SLC39A12: variants seen among roughly 807,000 people sequenced by gnomAD.
SLC39A12 encodes zinc transporter ZIP12.
In SLC39A12, 63 loss-of-function variants were observed where a neutral mutation model predicts 71.1. The ratio of observed to expected loss-of-function variants is 0.89; its 90% CI spans 0.72 to 1.09. The LOEUF is 1.09. SLC39A12 is among the 50% of genes least tolerant of loss of function. The pLI is 0.00. For missense variants in SLC39A12, 892 were observed against 812.6 expected (o/e 1.10, Z -1.19); for synonymous variants, 351 against 301.3 (o/e 1.16, Z -1.71).
At chr10:18,040,739 A>T (rs1589264126) in intron 12 of SLC39A12, among the ~76,000 whole-genome samples, 1 of 149,908 alleles carries the variant, frequency 6.7e-6, no homozygotes, top group East Asian at 2.0e-4. Context: ...ACTGTACTCC[A>T]GCCTAGGCGA....
intron 12 of SLC39A12, among the ~76,000 whole-genome samples, chr10:18,016,615 ACCAAACTGTCTT>A (rs1235367101): frequency 1.3e-5 from 2 of 152,240 alleles, no homozygotes; most frequent in African/African-American, 4.8e-5. Flanking sequence ...GTAAGAAGCT[ACCAAACTGTCTT>A]CCAAAGTGGC....
intron 12 of SLC39A12, among the ~76,000 whole-genome samples, chr10:18,036,784 A>ATTTTTTTTT (rs1277319900): frequency 1.3e-4 from 1 of 7,682 alleles, no homozygotes; most frequent in African/African-American, 5.3e-4. Context: ...ATATATATAT[A>ATTTTTTTTT]TATATATATA....
In SLC39A12 at chr10:17,987,532, G is replaced by C; in HGVS notation, c.1150G>C (p.Gly384Arg). ...CCTTCTCACACTGGGCTCCATGCTG[G>C]GGACAGCGCTGGTCCTTTTCCATAG... ...VTLLTLGSML[G>R]TALVLFHSCE... Residue 384 changes from glycine to arginine, a missense_variant, in exon 7 of 13, where the codon GGG (glycine) becomes CGG (arginine). Transcript: ENST00000377369. 1 of 1,613,884 alleles carries C rather than the reference G, an allele frequency of 6.2e-7. No individual in the cohort carries two copies. The highest frequency in any genetic ancestry group is 2.2e-5 in the East Asian group (1 of 44,856).
At position 17,965,552 on chromosome 10, in the gene SLC39A12, C is replaced by G. The variant is rs766898134; in HGVS notation, c.613C>G (p.Leu205Val). The G allele has an allele frequency of 1.2e-6, 2 of 1,614,188 alleles. No homozygotes were observed. Among genetic ancestry groups the G allele is most frequent in the Non-Finnish European group, 1.7e-6 (2 of 1,180,030 alleles). The change falls in exon 4 of 13, where the codon CTT becomes GTT. Residue 205 changes from leucine to valine, a missense_variant. Leu to Val is a conservative substitution (Grantham distance 32). Transcript: ENST00000377369. ...VSSEGANEST[L>V]PQLAAMIITL... ...CAGTGAAGGTGCTAATGAAAGTACGCTTCCTCAGTTGGCAGCCATGATCAT... is the reference window on the plus strand; with the variant it reads ...CAGTGAAGGTGCTAATGAAAGTACGGTTCCTCAGTTGGCAGCCATGATCAT...
Position 17,953,197 on chromosome 10 carries a change from C to A in SLC39A12, c.-80C>A. 1 of 1,507,276 alleles carries A rather than the reference C, an allele frequency of 6.6e-7. No individual in the cohort carries two copies. Among genetic ancestry groups the A allele is most frequent in the Non-Finnish European group, 8.9e-7 (1 of 1,120,886 alleles). 93.4% of individuals were successfully genotyped at this position (1,507,276 alleles called of 1,614,324 possible). A position where few individuals can be genotyped will look rare whatever the true frequency, so the allele number is the denominator to read the frequency against. On this transcript the variant is annotated 5_prime_UTR_variant, in exon 2 of 13. Coordinates refer to ENST00000377369, the MANE Select transcript of SLC39A12 (RefSeq NM_001145195.2). Reference sequence around the variant, plus strand: ...TTTTTCCCCTTTACCACAGAAATTCCTTTGGTTACAAGTTTACCCCATAAA... The same window carrying A: ...TTTTTCCCCTTTACCACAGAAATTCATTTGGTTACAAGTTTACCCCATAAA...
intron 12 of SLC39A12, among the ~76,000 whole-genome samples, chr10:18,034,921 G>C (rs1836956157): frequency 3.3e-5 from 5 of 151,788 alleles, no homozygotes; most frequent in African/African-American, 1.2e-4. Context: ...TAATTTGGCT[G>C]GATATGAAAT....
At chr10:18,000,302 C>G (rs1001914563) in intron 10 of SLC39A12, among the ~76,000 whole-genome samples, 4 of 152,164 alleles carry the variant, frequency 2.6e-5, no homozygotes, top group Admixed American at 6.5e-5. Context: ...TAGCAAGTTT[C>G]TTAAATTATT....
intron 5 of SLC39A12, among the ~76,000 whole-genome samples, chr10:17,979,485 T>G (rs1175567886): frequency 6.6e-6 from 1 of 152,248 alleles, no homozygotes; most frequent in African/African-American, 2.4e-5. Flanking sequence ...AGGAATTGTA[T>G]TATGAAACTA....
At chr10:17,959,602 C>T (rs1191571510) in intron 2 of SLC39A12, among the ~76,000 whole-genome samples, 2 of 152,100 alleles carry the variant, frequency 1.3e-5, no homozygotes, top group African/African-American at 4.8e-5. Flanking sequence ...TCACGACAGG[C>T]GTTTCTCAAT....
At chr10:18,025,796 T>A (rs1248633525) in intron 12 of SLC39A12, among the ~76,000 whole-genome samples, 3 of 152,222 alleles carry the variant, frequency 2.0e-5, no homozygotes, top group Non-Finnish European at 4.4e-5. Context: ...TCTAGCTCCC[T>A]GAGGAATCAC....
chr10:17,969,250 A>G (rs577343160), intron 4 of SLC39A12, among the ~76,000 whole-genome samples: 2 of 152,322 alleles, frequency 1.3e-5, no homozygotes, highest in African/African-American at 4.8e-5. Context: ...TGTGACAAAA[A>G]TGAGAGTGCA....
Position 17,981,450 on chromosome 10 carries a change from C to A in SLC39A12, c.1063C>A (p.Gln355Lys), listed in dbSNP as rs1462072675. 1.9e-6 allele frequency: 3 copies of A among 1,613,424 alleles called. No homozygotes were observed. The highest frequency in any genetic ancestry group is 2.7e-5 in the African/African-American group (2 of 74,890). Residue 355 changes from glutamine (Q) to lysine (K), a missense_variant, in exon 6 of 13, where the codon CAA becomes AAA. By Grantham distance (53) the Gln-to-Lys change is moderately conservative (BLOSUM62 1). Transcript: ENST00000377369. ...CTGCTCCTGCCACTTACCCAAGGAC[C>A]AACAAGCAAAGCTGCCACCTACCAC... is the stretch of plus-strand genomic sequence containing the variant. ...LSCSCHLPKD[Q>K]QAKLPPTTLE...
chr10:18,024,787 C>T (rs1018580954), intron 12 of SLC39A12, among the ~76,000 whole-genome samples: 1 of 152,112 alleles, frequency 6.6e-6, no homozygotes, highest in African/African-American at 2.4e-5. Context: ...TTAATGCTGT[C>T]TTGGTAGGTA....
chr10:18,026,429 G>T (rs1174637171), intron 12 of SLC39A12, among the ~76,000 whole-genome samples: 1 of 151,758 alleles, frequency 6.6e-6, no homozygotes, highest in Non-Finnish European at 1.5e-5. Flanking sequence ...TCTCATCTTT[G>T]CTTCTTTAAA....
chr10:17,953,223 C>A lies in SLC39A12; in HGVS notation c.-54C>A. The A allele has an allele frequency of 1.3e-6, 2 of 1,570,346 alleles. No homozygotes were observed. Among genetic ancestry groups the A allele is most frequent in the South Asian group, 2.4e-5 (2 of 83,698 alleles). ...TTTGGTTACAAGTTTACCCCATAAA[C>A]GGCAACACACTCACCTCCATCCAAG... On this transcript the variant is annotated 5_prime_UTR_variant, in exon 2 of 13. Transcript: ENST00000377369.
chr10:17,987,212 G>A (rs1016615107), intron 6 of SLC39A12, among the ~76,000 whole-genome samples: 2 of 152,094 alleles, frequency 1.3e-5, no homozygotes, highest in African/African-American at 2.4e-5. Flanking sequence ...GTGTGCACCT[G>A]TTGTCCCAGG....
At chr10:18,024,257 G>A (rs1464794057) in intron 12 of SLC39A12, among the ~76,000 whole-genome samples, 2 of 152,098 alleles carry the variant, frequency 1.3e-5, no homozygotes, top group Non-Finnish European at 2.9e-5. Context: ...AAGACAGCTG[G>A]TGCCATGGTG....
chr10:17,974,746 C>T (rs1024650562), intron 4 of SLC39A12, among the ~76,000 whole-genome samples: 2 of 152,146 alleles, frequency 1.3e-5, no homozygotes, highest in Non-Finnish European at 2.9e-5. Context: ...GGGTCTCACC[C>T]GAGGCCCACT....
At chr10:17,981,219 C>A (rs1835248037) in intron 5 of SLC39A12, 93 bp from the exon 6 acceptor site, 1 of 1,120,858 alleles carries the variant, frequency 8.9e-7, no homozygotes, top group Non-Finnish European at 1.3e-6. Flanking sequence ...CTCGCTATTC[C>A]ATCTAGAATT....
Sources: allele counts gnomAD v4.1 joint callset (sites outside exome capture counted in the v4.1 genomes callset), GRCh38; gene constraint gnomAD v4.1.1; transcripts MANE v1.5; gene names NCBI Gene and HGNC (gene_info 2026-07-23, HGNC 2026-07-21).